Variants in HSP90B1 observed in about 807,000 individuals in gnomAD.
HSP90B1 encodes the protein heat shock protein 90 beta family member 1, also known as endoplasmin.
Under a neutral mutation model 100.4 loss-of-function variants are expected in HSP90B1, and 27 were observed. The observed-to-expected ratio is 0.27, with a 90% CI of 0.20 to 0.37. The LOEUF (loss-of-function observed/expected upper bound fraction) is 0.37. Among genes scored for constraint, HSP90B1 ranks in the 10% least tolerant of loss-of-function variants. The pLI, the probability that HSP90B1 is intolerant of heterozygous loss-of-function variation, is 1.00. For missense variants in HSP90B1, 678 were observed against 960.5 expected (o/e 0.71, Z 3.89); for synonymous variants, 304 against 330.8 (o/e 0.92, Z 0.88).
Position 103,930,475 on chromosome 12 carries a change from C to A in HSP90B1, c.-41C>A. 1 of 1,573,380 alleles carries A rather than the reference C, an allele frequency of 6.4e-7. No individual in the cohort carries two copies. Among genetic ancestry groups the A allele is most frequent in the East Asian group, 2.4e-5 (1 of 41,400 alleles). On this transcript the variant is annotated 5_prime_UTR_variant, in exon 1 of 18. Coordinates refer to ENST00000299767, the MANE Select transcript of HSP90B1 (RefSeq NM_003299.3). The surrounding 1 kb of genome is among the most constrained non-coding windows in gnomAD (Gnocchi z 4.4). ...CCAGGGGTGGGGGGTGGAGGCGGCT[C>A]CTGCGATCGAAGGGGACTTGAGACT...
In HSP90B1 at chr12:103,930,458, G is replaced by C. The variant is rs774008194; in HGVS notation, c.-58G>C. On this transcript the variant is annotated 5_prime_UTR_variant, in exon 1 of 18. Coordinates refer to ENST00000299767, the MANE Select transcript of HSP90B1 (RefSeq NM_003299.3). This position sits in a 1 kb window ranked among gnomAD's most constrained non-coding sequence, Gnocchi z 4.4. ...GGTGTGAGGATCCGAACCCAGGGGTGGGGGGTGGAGGCGGCTCCTGCGATC... is the reference window on the plus strand; with the variant it reads ...GGTGTGAGGATCCGAACCCAGGGGTCGGGGGTGGAGGCGGCTCCTGCGATC... 7.8e-6 allele frequency: 9 copies of C among 1,159,580 alleles called. No individual in the cohort carries two copies. Among genetic ancestry groups the C allele is most frequent in the East Asian group, 4.9e-5 (2 of 40,514 alleles). The allele number at this position is 1,159,580 out of a possible 1,614,324, so 71.8% of individuals were successfully genotyped here.
Position 103,934,104 on chromosome 12 carries a change from C to T in HSP90B1, c.560C>T (p.Ser187Leu). 1 of 1,614,194 alleles carries T rather than the reference C, an allele frequency of 6.2e-7. No homozygotes were observed. Reference sequence around the variant, plus strand: ...ACTGAAGCACAGGAAGATGGCCAGTCAACTTCTGAATTGATTGGCCAGTTT... The same window carrying T: ...ACTGAAGCACAGGAAGATGGCCAGTTAACTTCTGAATTGATTGGCCAGTTT... ...KMTEAQEDGQ[S>L]TSELIGQFGV... Residue 187 changes from serine (S) to leucine (L), a missense_variant, in exon 5 of 18, where the codon TCA (serine) becomes TTA (leucine). By Grantham distance (145) the Ser-to-Leu change is moderately radical (BLOSUM62 -2). Coordinates refer to ENST00000299767, the MANE Select transcript of HSP90B1 (RefSeq NM_003299.3).
chr12:103,947,811 G>GT lies in HSP90B1; in HGVS notation c.*155dup, dbSNP rs1019475302. ...GATTATGGGTCACAGGAAAAAGTGG[G>GT]TTTTTTAGTTGAATTTTTTTTAACA... On this transcript the variant is annotated 3_prime_UTR_variant, in exon 18 of 18. Coordinates refer to ENST00000299767, the MANE Select transcript of HSP90B1 (RefSeq NM_003299.3). The GT allele has an allele frequency of 4.2e-6, 3 of 710,882 alleles. No homozygotes were observed. The African/African-American group carries it at 5.4e-5, about 13-fold the overall frequency. 44.0% of individuals were successfully genotyped at this position (710,882 alleles called of 1,614,324 possible). A position where few individuals can be genotyped will look rare whatever the true frequency, so the allele number is the denominator to read the frequency against.
At chr12:103,946,733 T>C (rs764175472) in intron 15 of HSP90B1, 37 bp downstream of exon 15, 2 of 1,612,852 alleles carry the variant, frequency 1.2e-6, no homozygotes, top group Non-Finnish European at 1.7e-6. Context: ...GTCTTTTAAT[T>C]TGAGTACTTT....
rs752279666 is a variant in HSP90B1, at chr12:103,942,520, T to C, written c.1375-7T>C. The stretch of plus-strand genomic sequence containing the variant: ...TCTCTAATCAGTTATTCTTTCATTG[T>C]GTTTAGGTGATTAGGAAGAAGCTTG... On this transcript the variant is annotated splice_region_variant and splice_polypyrimidine_tract_variant and intron_variant, in intron 11 of 17. Coordinates refer to ENST00000299767, the MANE Select transcript of HSP90B1 (RefSeq NM_003299.3). 1.9e-6 allele frequency: 3 copies of C among 1,612,450 alleles called. No individual in the cohort carries two copies. Among genetic ancestry groups the C allele is most frequent in the African/African-American group, 2.7e-5 (2 of 74,988 alleles).
In HSP90B1 at chr12:103,943,233, G is replaced by A; in HGVS notation, c.1804G>A (p.Glu602Lys). The A allele has an allele frequency of 6.2e-7, 1 of 1,614,206 alleles. No individual in the cohort carries two copies. Among genetic ancestry groups the A allele is most frequent in the Non-Finnish European group, 8.5e-7 (1 of 1,180,026 alleles). ...GGAAGGAGTGAAGTTCGATGAAAGT[G>A]AGAAAACTAAGGAGAGTCGTGAAGC... ...AKEGVKFDES[E>K]KTKESREAVE... Residue 602 changes from glutamate (E) to lysine (K), a missense_variant, in exon 13 of 18, where the codon GAG becomes AAG. By Grantham distance (56) the Glu-to-Lys change is moderately conservative. This residue lies in a region of HSP90B1 where 170 missense variants were observed against 236.7 expected (regional missense o/e 0.72). Transcript: ENST00000299767. The surrounding 1 kb of genome is among the most constrained non-coding windows in gnomAD (Gnocchi z 5.3).
chr12:103,936,913 C>T (rs2700503), intron 5 of HSP90B1, among the ~76,000 whole-genome samples: 1 of 152,156 alleles, frequency 6.6e-6, no homozygotes, highest in African/African-American at 2.4e-5. Flanking sequence ...TACCACTAAA[C>T]TAATGAGCCT....
intron 8 of HSP90B1, among the ~76,000 whole-genome samples, chr12:103,940,344 TTTC>T (rs956239847): frequency 5.9e-5 from 9 of 152,044 alleles, no homozygotes; most frequent in African/African-American, 2.2e-4. Flanking sequence ...TGTTTTTTTT[TTTC>T]TTCTTCTTTT....
chr12:103,930,458 G>A lies in HSP90B1; in HGVS notation c.-58G>A. On this transcript the variant is annotated 5_prime_UTR_variant, in exon 1 of 18. Transcript: ENST00000299767. This position sits in a 1 kb window ranked among gnomAD's most constrained non-coding sequence, Gnocchi z 4.4. ...GGTGTGAGGATCCGAACCCAGGGGT[G>A]GGGGGTGGAGGCGGCTCCTGCGATC... The A allele has an allele frequency of 1.7e-6, 2 of 1,159,682 alleles. No homozygotes were observed. Among genetic ancestry groups the A allele is most frequent in the Non-Finnish European group, 1.2e-6 (1 of 841,790 alleles). The allele number at this position is 1,159,682 out of a possible 1,614,324, so 71.8% of individuals were successfully genotyped here. A position where few individuals can be genotyped will look rare whatever the true frequency, so the allele number is the denominator to read the frequency against.
chr12:103,931,782 C>A, intron 2 of HSP90B1, 159 bp downstream of exon 2: 1 of 676,000 alleles, frequency 1.5e-6, no homozygotes, highest in Non-Finnish European at 2.8e-6. Flanking sequence ...CCTAACTTGT[C>A]CCTAGGAGTG....
At chr12:103,931,698 C>A in intron 2 of HSP90B1, 75 bp downstream of exon 2, 1 of 1,051,226 alleles carries the variant, frequency 9.5e-7, no homozygotes, top group Non-Finnish European at 1.5e-6. Flanking sequence ...TCTTATGTAT[C>A]TCTTCTCCAA....
rs568367194 is a variant in HSP90B1, at chr12:103,931,239, C to T, written c.50-282C>T. Among the ~76,000 whole-genome samples, 4 of 152,262 alleles carry T rather than the reference C, an allele frequency of 2.6e-5. No individual in the cohort carries two copies. The East Asian group carries it at 7.7e-4, about 29-fold the overall frequency. On this transcript the variant is annotated intron_variant, in intron 1 of 17. Coordinates refer to ENST00000299767, the MANE Select transcript of HSP90B1 (RefSeq NM_003299.3). ...CAACACGTGTGGGTGTAGAAGAGGC[C>T]TGGTATCAGTCTGCTTAACGTTATT...
intron 5 of HSP90B1, among the ~76,000 whole-genome samples, chr12:103,937,125 A>T (rs1869942759): frequency 1.3e-5 from 2 of 152,198 alleles, no homozygotes; most frequent in South Asian, 4.1e-4. Flanking sequence ...CATTTTGGCG[A>T]TCACCAGCCA....
Position 103,943,824 on chromosome 12 carries a change from G to A in HSP90B1, c.1977G>A (p.Glu659=), listed in dbSNP as rs977185533. The A allele has an allele frequency of 6.2e-7, 1 of 1,614,096 alleles. No individual in the cohort carries two copies. Among genetic ancestry groups the A allele is most frequent in the Non-Finnish European group, 8.5e-7 (1 of 1,180,002 alleles). ...AGTACGGATGGTCTGGCAACATGGA[G>A]AGAATCATGAAAGCACAAGCGTACC... ...ASQYGWSGNM[E]RIMKAQAYQT... Residue 659 remains glutamate (E), a synonymous_variant, in exon 14 of 18, where the codon GAG becomes GAA. Transcript: ENST00000299767. This position sits in a 1 kb window ranked among gnomAD's most constrained non-coding sequence, Gnocchi z 5.3.
intron 14 of HSP90B1, among the ~76,000 whole-genome samples, chr12:103,944,356 G>C (rs1267769257): frequency 6.6e-6 from 1 of 151,984 alleles, no homozygotes; most frequent in East Asian, 1.9e-4. Flanking sequence ...GAACTCAAGG[G>C]CCTATACCTG....
intron 12 of HSP90B1, 64 bp downstream of exon 12, chr12:103,942,860 C>A: frequency 6.4e-7 from 1 of 1,569,764 alleles, no homozygotes; most frequent in Non-Finnish European, 8.7e-7. Context: ...ATAGCCAACT[C>A]TTGAGGGGGA....
chr12:103,947,748 C>A lies in HSP90B1; in HGVS notation c.*86C>A. 2.7e-6 allele frequency: 3 copies of A among 1,096,170 alleles called. No individual in the cohort carries two copies. Among genetic ancestry groups the A allele is most frequent in the Non-Finnish European group, 4.2e-6 (3 of 709,046 alleles). The allele number at this position is 1,096,170 out of a possible 1,614,324, so 67.9% of individuals were successfully genotyped here. On this transcript the variant is annotated 3_prime_UTR_variant, in exon 18 of 18. Coordinates refer to ENST00000299767, the MANE Select transcript of HSP90B1 (RefSeq NM_003299.3). ...TTTTGGGAGAGACTTGTTTTGGATG[C>A]CCCCTAATCCCCTTCTCCCCTGCAC...
At chr12:103,933,392 C>T (rs1042925715) in intron 4 of HSP90B1, among the ~76,000 whole-genome samples, 1 of 152,220 alleles carries the variant, frequency 6.6e-6, no homozygotes, top group Non-Finnish European at 1.5e-5. Flanking sequence ...GCAGAGCAAG[C>T]TTAGAGGGTC....
At chr12:103,936,886 G>C (rs191161795) in intron 5 of HSP90B1, among the ~76,000 whole-genome samples, 150 of 152,268 alleles carry the variant, frequency 9.9e-4, no homozygotes, top group African/African-American at 3.4e-3. Flanking sequence ...TCATATCATG[G>C]CTACTTATTG....
Sources: allele counts gnomAD v4.1 joint callset (sites outside exome capture counted in the v4.1 genomes callset), GRCh38; gene constraint gnomAD v4.1.1; regional missense constraint gnomAD v4.1.1; non-coding constraint Gnocchi (gnomAD v3.1); transcripts MANE v1.5; gene names NCBI Gene and HGNC (gene_info 2026-07-23, HGNC 2026-07-21).